JAK2: variants seen among roughly 807,000 people sequenced by gnomAD.
JAK2 encodes Janus kinase 2.
Under a neutral mutation model 139.3 loss-of-function variants are expected in JAK2, and 86 were observed. That is an observed-to-expected ratio of 0.62 (90% CI 0.52 to 0.74). The LOEUF (loss-of-function observed/expected upper bound fraction) is 0.74, where lower values mean the gene tolerates loss of function less well. JAK2 is among the 30% of genes least tolerant of loss of function. The pLI, the probability that JAK2 is intolerant of heterozygous loss-of-function variation, is 0.00. For synonymous variants in JAK2, 490 were observed against 437.7 expected (o/e 1.12, Z -1.49); for missense variants, 1,421 against 1,360.3 (o/e 1.04, Z -0.70).
At chr9:5,100,773 G>C (rs1318394052) in intron 22 of JAK2, 4 of 152,376 alleles carry the variant, frequency 2.6e-5, no homozygotes, top group Middle Eastern at 3.4e-3. Flanking sequence ...ACAAATCTCA[G>C]TACTTTGAGG....
At chr9:5,028,604 A>G (rs140540481) in intron 3 of JAK2, among the ~76,000 whole-genome samples, 123 of 152,330 alleles carry the variant, frequency 8.1e-4, no homozygotes, top group Non-Finnish European at 1.4e-3. Context: ...TTCCAATAGA[A>G]GGCTGTTTTG....
At chr9:5,009,045 A>C (rs1821510441) in intron 2 of JAK2, among the ~76,000 whole-genome samples, 1 of 152,070 alleles carries the variant, frequency 6.6e-6, no homozygotes, top group African/African-American at 2.4e-5. Flanking sequence ...CTTTTTCTTT[A>C]ATGTATAGAG....
chr9:5,038,876 C>A (rs1001764715), intron 4 of JAK2, among the ~76,000 whole-genome samples: 1 of 152,016 alleles, frequency 6.6e-6, no homozygotes, highest in Non-Finnish European at 1.5e-5. Context: ...CAATGTAATA[C>A]ACCACATTAA....
chr9:5,123,185 G>A lies in JAK2; in HGVS notation c.3177+64G>A, dbSNP rs546657780. 2.7e-5 allele frequency: 31 copies of A among 1,133,064 alleles called. No homozygotes were observed. The South Asian group carries it at 4.3e-4, about 16-fold the overall frequency. The allele number at this position is 1,133,064 out of a possible 1,614,324, so 70.2% of individuals were successfully genotyped here. Reference sequence around the variant, plus strand: ...TTCGTTTGATTTTTATAAATTTATGGGGTACAAGTACAATTTTGCTACATG... The same window carrying A: ...TTCGTTTGATTTTTATAAATTTATGAGGTACAAGTACAATTTTGCTACATG... On this transcript the variant is annotated intron_variant, in intron 23 of 24. Transcript: ENST00000381652.
chr9:5,111,394 G>A (rs377590643), intron 22 of JAK2: 17 of 400,654 alleles, frequency 4.2e-5, no homozygotes, highest in East Asian at 6.2e-5. Context: ...GGACAGAGGC[G>A]GACAGCGGCC....
intron 22 of JAK2, chr9:5,114,442 C>G (rs938646464): frequency 6.2e-6 from 3 of 481,776 alleles, no homozygotes; most frequent in African/African-American, 5.9e-5. Flanking sequence ...TGCAGGGTGA[C>G]CCACACCCAC....
chr9:5,085,102 G>T lies in JAK2; in HGVS notation c.2571+3241G>T, dbSNP rs910265890. The T allele has an allele frequency of 2.7e-5, 18 of 656,410 alleles. No homozygotes were observed. In the Admixed American group the frequency reaches 3.1e-4, roughly 11 times the overall value. 40.7% of individuals were successfully genotyped at this position (656,410 alleles called of 1,614,324 possible). ...TATTGCTTCATGGCAGTACTGCTGG[G>T]CAAGGTAGGTTGTTTGTTTTACACC... On this transcript the variant is annotated intron_variant, in intron 19 of 24. Coordinates refer to ENST00000381652, the MANE Select transcript of JAK2 (RefSeq NM_004972.4).
At chr9:5,065,750 G>T (rs12342421) in intron 9 of JAK2, among the ~76,000 whole-genome samples, 1 of 151,956 alleles carries the variant, frequency 6.6e-6, no homozygotes, top group East Asian at 1.9e-4. Flanking sequence ...CTCTTAGCTA[G>T]GATGTGGTTT....
chr9:5,045,836 G>A (rs1231886755), intron 5 of JAK2, among the ~76,000 whole-genome samples: 1 of 152,172 alleles, frequency 6.6e-6, no homozygotes. Context: ...TACTTGGGTT[G>A]CTGCTGTGAA....
At position 5,077,550 on chromosome 9, in the gene JAK2, T is replaced by C; in HGVS notation, c.1962T>C (p.Ala654=). The change falls in exon 15 of 25, where the codon GCT becomes GCC. Residue 654 remains alanine (A), a synonymous_variant. Transcript: ENST00000381652. Reference sequence around the variant, plus strand: ...ATATATTATGGAAACTTGAAGTTGCTAAACAGTTGGCATGGGCCATGCATT... The same window carrying C: ...ATATATTATGGAAACTTGAAGTTGCCAAACAGTTGGCATGGGCCATGCATT... The part of the protein sequence containing the change: ...CINILWKLEV[A]KQLAWAMHFL... The C allele has an allele frequency of 6.7e-7, 1 of 1,495,578 alleles. No homozygotes were observed. Among genetic ancestry groups the C allele is most frequent in the Non-Finnish European group, 8.9e-7 (1 of 1,123,374 alleles). 92.6% of individuals were successfully genotyped at this position (1,495,578 alleles called of 1,614,324 possible). A position where few individuals can be genotyped will look rare whatever the true frequency, so the allele number is the denominator to read the frequency against.
chr9:5,118,047 A>G (rs959047370), intron 22 of JAK2, among the ~76,000 whole-genome samples: 1 of 152,212 alleles, frequency 6.6e-6, no homozygotes, highest in Non-Finnish European at 1.5e-5. Flanking sequence ...TGACATTTAA[A>G]TAACAGCTAT....
In JAK2 at chr9:5,081,723, A is replaced by T; in HGVS notation, c.2435-2A>T. ...AGGTGATAATATTCTTTATTTCTCC[A>T]GATTATGAACTATTAACAGAAAATG... is the stretch of plus-strand genomic sequence containing the variant. On this transcript the variant is annotated splice_acceptor_variant, in intron 18 of 24. Coordinates refer to ENST00000381652, the MANE Select transcript of JAK2 (RefSeq NM_004972.4). LOFTEE classifies it high-confidence loss of function. 6.3e-7 allele frequency: 1 copy of T among 1,584,444 alleles called. No homozygotes were observed.
intron 4 of JAK2, among the ~76,000 whole-genome samples, chr9:5,040,112 G>T (rs535136085): frequency 6.6e-6 from 1 of 152,316 alleles, no homozygotes; most frequent in South Asian, 2.1e-4. Flanking sequence ...TGAATATACA[G>T]ATTAATGGAA....
intron 22 of JAK2, among the ~76,000 whole-genome samples, chr9:5,092,746 G>C (rs977639033): frequency 1.3e-5 from 2 of 152,130 alleles, no homozygotes; most frequent in African/African-American, 4.8e-5. Flanking sequence ...TCACCTACGT[G>C]GCAAAATAGT....
chr9:4,991,666 A>G (rs1427153468), intron 2 of JAK2, among the ~76,000 whole-genome samples: 4 of 152,144 alleles, frequency 2.6e-5, no homozygotes, highest in African/African-American at 9.7e-5. Context: ...GTTTATGACA[A>G]AAACCAGCAA....
Position 5,073,888 on chromosome 9 carries a change from A to G in JAK2, c.1864+103A>G, listed in dbSNP as rs529226605. ...TCACAGCTAGGTGTCAGTGTAAACTATAATTTAACAGGAGTTAAGTATTTT... is the reference window on the plus strand; with the variant it reads ...TCACAGCTAGGTGTCAGTGTAAACTGTAATTTAACAGGAGTTAAGTATTTT... On this transcript the variant is annotated intron_variant, in intron 14 of 24. Transcript: ENST00000381652. The G allele has an allele frequency of 1.5e-5, 11 of 716,530 alleles. No individual in the cohort carries two copies. In the South Asian group the frequency reaches 1.8e-4, roughly 12 times the overall value. 44.4% of individuals were successfully genotyped at this position (716,530 alleles called of 1,614,324 possible). A position where few individuals can be genotyped will look rare whatever the true frequency, so the allele number is the denominator to read the frequency against.
intron 13 of JAK2, among the ~76,000 whole-genome samples, 196 bp downstream of exon 13, chr9:5,072,822 C>G (rs1020158994): frequency 6.6e-6 from 1 of 152,052 alleles, no homozygotes; most frequent in African/African-American, 2.4e-5. Context: ...AAATTAATTC[C>G]AAACTAATTA....
At chr9:5,124,964 C>T (rs571715741) in intron 23 of JAK2, among the ~76,000 whole-genome samples, 37 of 151,512 alleles carry the variant, frequency 2.4e-4, no homozygotes, top group African/African-American at 8.9e-4. Context: ...TATTGGGAAG[C>T]TAGTTAGTAC....
intron 23 of JAK2, among the ~76,000 whole-genome samples, chr9:5,124,788 A>T (rs973839575): frequency 6.6e-6 from 1 of 151,666 alleles, no homozygotes; most frequent in Non-Finnish European, 1.5e-5. Flanking sequence ...TGACAAAATC[A>T]ACAAGAACAT....
Sources: allele counts gnomAD v4.1 joint callset (sites outside exome capture counted in the v4.1 genomes callset), GRCh38; gene constraint gnomAD v4.1.1; transcripts MANE v1.5; gene names NCBI Gene and HGNC (gene_info 2026-07-23, HGNC 2026-07-21).